The following ANKMY1 variants were observed in gnomAD, a reference collection of about 807,000 sequenced individuals.
The protein encoded by ANKMY1 is ankyrin repeat and MYND domain containing 1.
Under a neutral mutation model 102.0 loss-of-function variants are expected in ANKMY1, and 98 were observed. The ratio of observed to expected loss-of-function variants is 0.96; its 90% confidence interval spans 0.82 to 1.14. The LOEUF (loss-of-function observed/expected upper bound fraction) is 1.14, where lower values mean the gene tolerates loss of function less well. ANKMY1 is among the 50% of genes most tolerant of loss of function. ANKMY1 has a pLI of 0.00. For synonymous variants in ANKMY1, 582 were observed against 559.9 expected (o/e 1.04, Z -0.56); for missense variants, 1,330 against 1,347.6 (o/e 0.99, Z 0.20).
Position 240,524,152 on chromosome 2 carries a change from C to T in ANKMY1, c.1565G>A (p.Gly522Glu). Reference protein sequence around the residue: ...SIDHRSSSLKGDSPLVKGSLG... With the variant: ...SIDHRSSSLKEDSPLVKGSLG... Reference sequence around the variant, plus strand: ...GCTGCCCTTCACCAACGGGGAGTCCCCCTTCAGAGAGCTGCTCCTGTGGTC... The same window carrying T: ...GCTGCCCTTCACCAACGGGGAGTCCTCCTTCAGAGAGCTGCTCCTGTGGTC... The change falls in exon 8 of 18, where the codon GGG (glycine) becomes GAG (glutamate). Residue 522 changes from glycine to glutamate, a missense_variant. By Grantham distance (98) the Gly-to-Glu change is moderately conservative. Transcript: ENST00000401804. The T allele has an allele frequency of 1.2e-6, 2 of 1,614,016 alleles. No homozygotes were observed. Among genetic ancestry groups the T allele is most frequent in the Non-Finnish European group, 1.7e-6 (2 of 1,180,042 alleles).
chr2:240,544,874 G>A (rs542848553), intron 4 of ANKMY1, among the ~76,000 whole-genome samples: 6 of 152,178 alleles, frequency 3.9e-5, no homozygotes, highest in Non-Finnish European at 7.3e-5. Flanking sequence ...ACGGAGTCTC[G>A]CTGATTGCTA....
intron 2 of ANKMY1, 122 bp from the exon 3 acceptor site, chr2:240,555,177 G>T: frequency 9.6e-7 from 1 of 1,042,412 alleles, no homozygotes; most frequent in Non-Finnish European, 1.4e-6. Context: ...CGGGGCAGGT[G>T]CCGCTGCATC....
In ANKMY1 at chr2:240,500,999, C is replaced by T. The variant is rs140799353; in HGVS notation, c.2527-434G>A. Reference sequence around the variant, plus strand: ...ACAAGACAGCGAGTGCACGCGTATGCTTGTATGTAGATGTGTGTGGGGCGG... The same window carrying T: ...ACAAGACAGCGAGTGCACGCGTATGTTTGTATGTAGATGTGTGTGGGGCGG... On this transcript the variant is annotated intron_variant, in intron 13 of 17. Transcript: ENST00000401804. Among the ~76,000 whole-genome samples the T allele has an allele frequency of 8.8e-3, 1,345 of 152,254 alleles. 16 individuals carry two copies. Among genetic ancestry groups the T allele is most frequent in the African/African-American group, 0.03 (1,242 of 41,540 alleles).
chr2:240,506,753 G>A lies in ANKMY1; in HGVS notation c.2526+807C>T, dbSNP rs974130145. On this transcript the variant is annotated intron_variant, in intron 13 of 17. Coordinates refer to ENST00000401804, the MANE Select transcript of ANKMY1 (RefSeq NM_001282771.3). The surrounding 1 kb of genome is among the most constrained non-coding windows in gnomAD (Gnocchi z 4.9). ...CAAGGTCGTGGGTGGTGCCCACAGC[G>A]GACACAGGAAGGGCTGGCATGGGCG... 5.9e-5 allele frequency among the ~76,000 whole-genome samples: 9 copies of A among 152,102 alleles called. No individual in the cohort carries two copies. The highest frequency in any genetic ancestry group is 1.9e-4 in the African/African-American group (8 of 41,504).
intron 13 of ANKMY1, among the ~76,000 whole-genome samples, chr2:240,502,364 C>T (rs2078339829): frequency 6.6e-6 from 1 of 152,002 alleles, no homozygotes; most frequent in Non-Finnish European, 1.5e-5. Context: ...GCACCTTCTC[C>T]CCTCTGGCCC....
chr2:240,517,700 G>T (rs1464197006), intron 9 of ANKMY1, among the ~76,000 whole-genome samples: 1 of 152,148 alleles, frequency 6.6e-6, no homozygotes, highest in African/African-American at 2.4e-5. Flanking sequence ...CAGCTACTCT[G>T]GAGGCTGAAG....
chr2:240,482,106 G>T, intron 16 of ANKMY1, 77 bp downstream of exon 16: 1 of 1,492,792 alleles, frequency 6.7e-7, no homozygotes, highest in Non-Finnish European at 9.2e-7. Flanking sequence ...GGATGAGGTG[G>T]TCAGGCCAGG....
chr2:240,543,347 T>A (rs1298772244), intron 4 of ANKMY1, among the ~76,000 whole-genome samples: 1 of 150,718 alleles, frequency 6.6e-6, no homozygotes, highest in African/African-American at 2.4e-5. Flanking sequence ...AGCGAGACTC[T>A]TTCTCAAAAA....
rs1384043161 is a variant in ANKMY1, at chr2:240,520,774, T to G, written c.1833-241A>C. ...ACACACAGCACACCACACAGCACAC[T>G]CACAACCACACCCACAGCACACCAC... On this transcript the variant is annotated intron_variant, in intron 8 of 17. Transcript: ENST00000401804. The surrounding 1 kb of genome is among the most constrained non-coding windows in gnomAD (Gnocchi z 4.8). 4.4e-5 allele frequency among the ~76,000 whole-genome samples: 5 copies of G among 112,870 alleles called. No homozygotes were observed. Among genetic ancestry groups the G allele is most frequent in the African/African-American group, 1.8e-4 (5 of 27,884 alleles). 74.0% of individuals were successfully genotyped at this position (112,870 alleles called of 152,430 possible).
chr2:240,515,850 T>C, intron 9 of ANKMY1, among the ~76,000 whole-genome samples: 1 of 151,710 alleles, frequency 6.6e-6, no homozygotes, highest in Non-Finnish European at 1.5e-5. Flanking sequence ...CCCGAGTAGC[T>C]GGGACTACAG....
Position 240,524,197 on chromosome 2 carries a change from C to G in ANKMY1, c.1520G>C (p.Gly507Ala), listed in dbSNP as rs2082892108. The G allele has an allele frequency of 6.2e-7, 1 of 1,613,782 alleles. No homozygotes were observed. Among genetic ancestry groups the G allele is most frequent in the Admixed American group, 1.7e-5 (1 of 60,006 alleles). Residue 507 changes from glycine (G) to alanine (A), a missense_variant, in exon 8 of 18, where the codon GGG becomes GCG. Gly to Ala is a moderately conservative substitution (Grantham distance 60). Coordinates refer to ENST00000401804, the MANE Select transcript of ANKMY1 (RefSeq NM_001282771.3). ...SHEGGHFQDT[G>A]QCGGSIDHRS... Reference sequence around the variant, plus strand: ...GTGGTCTATGGACCCCCCACACTGCCCGGTGTCCTGGAAGTGGCCGCCCTC... The same window carrying G: ...GTGGTCTATGGACCCCCCACACTGCGCGGTGTCCTGGAAGTGGCCGCCCTC...
At position 240,520,681 on chromosome 2, in the gene ANKMY1, C is replaced by A. The variant is rs2082049834; in HGVS notation, c.1833-148G>T. 5 of 1,016,152 alleles carry A rather than the reference C, an allele frequency of 4.9e-6. No individual in the cohort carries two copies. The highest frequency in any genetic ancestry group is 2.9e-5 in the Admixed American group (1 of 34,772). 62.9% of individuals were successfully genotyped at this position (1,016,152 alleles called of 1,614,324 possible). ...ACACAATCACACACACAGCACACAC[C>A]CACACACGCAGACACACCACACAGC... On this transcript the variant is annotated intron_variant, in intron 8 of 17. Coordinates refer to ENST00000401804, the MANE Select transcript of ANKMY1 (RefSeq NM_001282771.3). The surrounding 1 kb of genome is among the most constrained non-coding windows in gnomAD (Gnocchi z 4.8).
intron 13 of ANKMY1, among the ~76,000 whole-genome samples, chr2:240,505,114 T>C (rs56966703): frequency 0.15 from 22,505 of 151,970 alleles, 2,148 homozygotes; most frequent in African/African-American, 0.25. Context: ...GCACTGTTGG[T>C]GAGAACATGA....
At chr2:240,557,701 A>C (rs1035001730) in intron 1 of ANKMY1, among the ~76,000 whole-genome samples, 180 bp downstream of exon 1, 7 of 152,072 alleles carry the variant, frequency 4.6e-5, no homozygotes, top group Admixed American at 2.0e-4. Context: ...CGGGCCTCTG[A>C]AGCCAGCGCT....
intron 9 of ANKMY1, among the ~76,000 whole-genome samples, chr2:240,515,714 T>C (rs556057550): frequency 1.3e-5 from 2 of 152,136 alleles, no homozygotes; most frequent in Non-Finnish European, 2.9e-5. Context: ...TGTAGAACAT[T>C]AATAAAAGAT....
At chr2:240,509,189 A>G (rs1490458027) in intron 12 of ANKMY1, among the ~76,000 whole-genome samples, 159 bp downstream of exon 12, 1 of 148,778 alleles carries the variant, frequency 6.7e-6, no homozygotes, top group Non-Finnish European at 1.5e-5. Flanking sequence ...AGTTGGGTGG[A>G]TAGATGGGTG....
chr2:240,560,899 A>G, upstream of ANKMY1: 2 of 1,522,540 alleles, frequency 1.3e-6, no homozygotes. Flanking sequence ...CCCGTGTTCG[A>G]CGACCCGGCT....
chr2:240,545,240 G>GT (rs1259948723), intron 4 of ANKMY1, among the ~76,000 whole-genome samples: 1 of 152,208 alleles, frequency 6.6e-6, no homozygotes, highest in Non-Finnish European at 1.5e-5. Flanking sequence ...GCACCCCCCA[G>GT]CAGGGGCAGA....
Position 240,529,350 on chromosome 2 carries a change from T to C in ANKMY1, c.640A>G (p.Ile214Val), listed in dbSNP as rs770515691. 5.0e-6 allele frequency: 8 copies of C among 1,614,154 alleles called. No individual in the cohort carries two copies. Among genetic ancestry groups the C allele is most frequent in the Non-Finnish European group, 6.8e-6 (8 of 1,180,022 alleles). Reference protein sequence around the residue: ...LLRYPEFSSFITHSPARISLS... With the variant: ...LLRYPEFSSFVTHSPARISLS... ...CTGATCCTGGCAGGGCTGTGGGTGATGAAGCTGGAGAACTCAGGGTATCTG... is the reference window on the plus strand; with the variant it reads ...CTGATCCTGGCAGGGCTGTGGGTGACGAAGCTGGAGAACTCAGGGTATCTG... Residue 214 changes from isoleucine to valine, a missense_variant, in exon 5 of 18, where the codon ATC (isoleucine) becomes GTC (valine). Coordinates refer to ENST00000401804, the MANE Select transcript of ANKMY1 (RefSeq NM_001282771.3). The surrounding 1 kb of genome is among the most constrained non-coding windows in gnomAD (Gnocchi z 4.2).
Sources: allele counts gnomAD v4.1 joint callset (sites outside exome capture counted in the v4.1 genomes callset), GRCh38; gene constraint gnomAD v4.1.1; non-coding constraint Gnocchi (gnomAD v3.1); transcripts MANE v1.5; gene names NCBI Gene and HGNC (gene_info 2026-07-23, HGNC 2026-07-21).